Variants in UTY observed in about 807,000 individuals in gnomAD.
UTY encodes the protein ubiquitously transcribed tetratricopeptide repeat containing, Y-linked, also known as histone demethylase UTY.
A neutral mutation model predicts 32.5 loss-of-function variants in UTY; 12 were observed. The observed-to-expected ratio is 0.37, with a 90% CI of 0.24 to 0.60. The LOEUF is 0.60. UTY is among the 20% of genes least tolerant of loss of function. UTY has a pLI of 0.69. For missense variants in UTY, 303 were observed against 299.2 expected (o/e 1.01, Z -0.09); for synonymous variants, 131 against 103.4 (o/e 1.27, Z -1.62).
At chrY:13,283,125 G>T in intron 27 of UTY, among the ~76,000 whole-genome samples, 3 of 34,498 alleles carry the variant, frequency 8.7e-5, no homozygotes. Context: ...TTTTGTTCCG[G>T]TTTTGACTTG....
At chrY:13,458,450 G>A (rs1603473149) in intron 3 of UTY, among the ~76,000 whole-genome samples, 4 of 32,604 alleles carry the variant, frequency 1.2e-4, no homozygotes, top group Non-Finnish European at 7.6e-5. Context: ...TTTAATGATC[G>A]CCATTCTAAC....
At chrY:13,333,764 GA>G (rs2060854606) in intron 18 of UTY, among the ~76,000 whole-genome samples, 1 of 33,414 alleles carries the variant, frequency 3.0e-5, no homozygotes, top group Non-Finnish European at 7.4e-5. Context: ...AGCTGTTGGG[GA>G]AAGGCTTATG....
intron 18 of UTY, among the ~76,000 whole-genome samples, chrY:13,326,619 A>C: frequency 3.0e-5 from 1 of 33,781 alleles, no homozygotes; most frequent in African/African-American, 1.2e-4. Flanking sequence ...CTCGTTATTC[A>C]TTTTCCAATT....
intron 17 of UTY, among the ~76,000 whole-genome samples, chrY:13,352,592 A>C (rs2062500707): frequency 3.0e-5 from 1 of 33,615 alleles, no homozygotes; most frequent in Admixed American, 2.7e-4. Context: ...TAAAGGCCTG[A>C]GCCACTGTAC....
At chrY:13,348,651 G>T in intron 17 of UTY, among the ~76,000 whole-genome samples, 2 of 33,551 alleles carry the variant, frequency 6.0e-5, no homozygotes, top group African/African-American at 2.3e-4. Flanking sequence ...GTCCAGCATT[G>T]TTCAACCTTC....
At chrY:13,363,593 G>A in intron 10 of UTY, among the ~76,000 whole-genome samples, 3 of 31,467 alleles carry the variant, frequency 9.5e-5, no homozygotes, top group Non-Finnish European at 1.5e-4. Flanking sequence ...AACATGCAAC[G>A]AATCTTATTC....
intron 4 of UTY, among the ~76,000 whole-genome samples, chrY:13,428,859 C>T: frequency 3.0e-5 from 1 of 33,440 alleles, no homozygotes; most frequent in African/African-American, 1.2e-4. Context: ...CTTCTTTCAC[C>T]AGCATTTCAT....
At chrY:13,421,766 A>T (rs758415766) in intron 4 of UTY, among the ~76,000 whole-genome samples, 1 of 33,131 alleles carries the variant, frequency 3.0e-5, no homozygotes, top group African/African-American at 1.2e-4. Flanking sequence ...TCTACTTGAG[A>T]GTGGAGGGTA....
At chrY:13,372,400 T>A (rs956549404) in intron 8 of UTY, among the ~76,000 whole-genome samples, 1 of 33,092 alleles carries the variant, frequency 3.0e-5, no homozygotes, top group Non-Finnish European at 7.5e-5. Flanking sequence ...AATATCCACA[T>A]TGAAAATAAT....
chrY:13,422,279 C>T (rs924118698), intron 4 of UTY, among the ~76,000 whole-genome samples: 3 of 33,545 alleles, frequency 8.9e-5, no homozygotes, highest in Non-Finnish European at 1.5e-4. Context: ...TATTTTCAAA[C>T]ATCCACTGAG....
chrY:13,295,009 G>A, intron 27 of UTY, among the ~76,000 whole-genome samples: 1 of 27,400 alleles, frequency 3.6e-5, no homozygotes, highest in African/African-American at 1.5e-4. Context: ...GCAGTGAGCC[G>A]AGATCCCGCC....
chrY:13,293,257 T>C, intron 27 of UTY, among the ~76,000 whole-genome samples: 1 of 33,641 alleles, frequency 3.0e-5, no homozygotes, highest in Non-Finnish European at 7.4e-5. Context: ...GGCATCTGTT[T>C]AGAATCTAAT....
At chrY:13,336,729 T>C (rs748640921) in intron 17 of UTY, among the ~76,000 whole-genome samples, 1 of 33,426 alleles carries the variant, frequency 3.0e-5, no homozygotes, top group African/African-American at 1.2e-4. Context: ...GGGAATATCA[T>C]TCACAATAAG....
At position 13,260,213 on chromosome Y, in the gene UTY, G is replaced by A; in HGVS notation, c.4137+65C>T. On this transcript the variant is annotated intron_variant, in intron 28 of 29. Transcript: ENST00000545955. Reference sequence around the variant, plus strand: ...AAAGTATAGGTAAATTTAAAATAAAGCAACAACAATTCAAAACCTAGAGAA... The same window carrying A: ...AAAGTATAGGTAAATTTAAAATAAAACAACAACAATTCAAAACCTAGAGAA... The A allele has an allele frequency of 8.5e-6, 3 of 351,650 alleles. No individual in the cohort carries two copies. In the South Asian group the frequency reaches 9.8e-5, roughly 12 times the overall value. 87.7% of individuals were successfully genotyped at this position (351,650 alleles called of 400,897 possible). A position where few individuals can be genotyped will look rare whatever the true frequency, so the allele number is the denominator to read the frequency against.
chrY:13,354,820 T>C, intron 17 of UTY, 183 bp downstream of exon 17: 1 of 352,104 alleles, frequency 2.8e-6, no homozygotes, highest in Non-Finnish European at 4.0e-6. Flanking sequence ...ACCTGTAAGA[T>C]GTCCAAGGTA....
chrY:13,269,562 C>CAAAACAAAA (rs2056116464), intron 27 of UTY, among the ~76,000 whole-genome samples: 1 of 25,070 alleles, frequency 4.0e-5, no homozygotes, highest in African/African-American at 1.9e-4. Flanking sequence ...AAAAACAAAA[C>CAAAACAAAA]AAAACAAAAC....
intron 3 of UTY, among the ~76,000 whole-genome samples, chrY:13,449,946 C>T: frequency 5.9e-5 from 2 of 33,656 alleles, no homozygotes; most frequent in South Asian, 6.4e-4. Context: ...AAAATGTAAA[C>T]GTTAGCTGAA....
chrY:13,385,441 A>G, intron 8 of UTY, among the ~76,000 whole-genome samples: 1 of 33,533 alleles, frequency 3.0e-5, no homozygotes, highest in East Asian at 7.8e-4. Flanking sequence ...AGAATATTGT[A>G]CAATTTTCTT....
intron 23 of UTY, 92 bp from the exon 24 acceptor site, chrY:13,305,639 A>T: frequency 1.2e-5 from 4 of 325,344 alleles, no homozygotes; most frequent in Non-Finnish European, 1.7e-5. Context: ...TACTTAAATC[A>T]ATAAATATTT....
Sources: allele counts gnomAD v4.1 joint callset (sites outside exome capture counted in the v4.1 genomes callset), GRCh38; gene constraint gnomAD v4.1.1; transcripts MANE v1.5; gene names NCBI Gene and HGNC (gene_info 2026-07-23, HGNC 2026-07-21).